The following IQCH variants were observed in gnomAD, a reference collection of about 807,000 sequenced individuals.
The protein encoded by IQCH is IQ domain-containing protein H.
Under a neutral mutation model 117.0 loss-of-function variants are expected in IQCH, and 98 were observed. That is an observed-to-expected ratio of 0.84 (90% CI 0.71 to 0.99). The LOEUF (loss-of-function observed/expected upper bound fraction) is 0.99, where lower values mean the gene tolerates loss of function less well. Among genes scored for constraint, IQCH ranks in the 50% least tolerant of loss-of-function variants. IQCH has a pLI of 0.00. For missense variants in IQCH, 1,102 were observed against 1,243.8 expected (o/e 0.89, Z 1.72); for synonymous variants, 412 against 448.2 (o/e 0.92, Z 1.02).
intron 6 of IQCH, among the ~76,000 whole-genome samples, chr15:67,347,863 CTA>C (rs1969475790): frequency 6.9e-6 from 1 of 145,134 alleles, no homozygotes; most frequent in African/African-American, 2.5e-5. Flanking sequence ...ATTTATATAT[CTA>C]TATATTTATA....
rs188781078 is a variant in IQCH, at chr15:67,456,860, C to T, written c.2506-8267C>T. 2.2e-4 allele frequency among the ~76,000 whole-genome samples: 33 copies of T among 152,166 alleles called. No individual in the cohort carries two copies. Among genetic ancestry groups the T allele is most frequent in the African/African-American group, 7.9e-4 (33 of 41,518 alleles). ...GCACAGATGGTTTGCAGCCTCTTAC[C>T]CCACCCACTCCAAACACCCCATAGA... On this transcript the variant is annotated intron_variant, in intron 16 of 20. Transcript: ENST00000335894. The surrounding 1 kb of genome is among the most constrained non-coding windows in gnomAD (Gnocchi z 5.1).
intron 4 of IQCH, among the ~76,000 whole-genome samples, chr15:67,318,564 A>G (rs1967960961): frequency 6.6e-6 from 1 of 152,210 alleles, no homozygotes; most frequent in Non-Finnish European, 1.5e-5. Context: ...AGTATTCATC[A>G]TCTTGAAGAA....
In IQCH at chr15:67,491,173, C is replaced by T. The variant is rs1212830456; in HGVS notation, c.2861+1109C>T. On this transcript the variant is annotated intron_variant, in intron 19 of 20. Coordinates refer to ENST00000335894, the MANE Select transcript of IQCH (RefSeq NM_001031715.3). The surrounding 1 kb of genome is among the most constrained non-coding windows in gnomAD (Gnocchi z 4.9). ...AATTCCTCTACGAAGCACTGATGTT[C>T]CTATGTGGCCTCAGTCCCTCCCTCC... 1.3e-5 allele frequency among the ~76,000 whole-genome samples: 2 copies of T among 152,076 alleles called. No individual in the cohort carries two copies. The highest frequency in any genetic ancestry group is 4.8e-5 in the African/African-American group (2 of 41,384).
intron 18 of IQCH, among the ~76,000 whole-genome samples, chr15:67,489,536 C>T (rs1315357797): frequency 3.9e-5 from 6 of 152,238 alleles, no homozygotes; most frequent in East Asian, 1.9e-4. Context: ...CTGCAACCTC[C>T]GCCTTCCGGG....
chr15:67,465,297 G>A lies in IQCH; in HGVS notation c.2676G>A (p.Pro892=), dbSNP rs747454760. ...KTKCMSALSM[P]MLATSRYAVM... ...AATGCATGAGTGCGCTGTCAATGCCGGTAAGCAAGAGGTGCTTCCTGAAGG... is the reference window on the plus strand; with the variant it reads ...AATGCATGAGTGCGCTGTCAATGCCAGTAAGCAAGAGGTGCTTCCTGAAGG... The change falls in exon 17 of 21, where the codon CCG becomes CCA. Residue 892 remains proline (P), a splice_region_variant and synonymous_variant. Transcript: ENST00000335894. This position sits in a 1 kb window ranked among gnomAD's most constrained non-coding sequence, Gnocchi z 5.9. 1.1e-5 allele frequency: 18 copies of A among 1,612,704 alleles called. No homozygotes were observed. The highest frequency in any genetic ancestry group is 5.0e-5 in the Admixed American group (3 of 59,970).
intron 16 of IQCH, among the ~76,000 whole-genome samples, chr15:67,421,847 C>A (rs911734318): frequency 8.5e-5 from 13 of 152,126 alleles, no homozygotes; most frequent in Non-Finnish European, 1.0e-4. Context: ...ACCTGTAATC[C>A]CAGCACTTTG....
At chr15:67,287,333 G>C (rs1966600283) in intron 4 of IQCH, among the ~76,000 whole-genome samples, 1 of 152,140 alleles carries the variant, frequency 6.6e-6, no homozygotes, top group Admixed American at 6.5e-5. Context: ...GGAATAGTTT[G>C]AGTAGGATTG....
At chr15:67,263,083 T>C (rs1248197880) in intron 2 of IQCH, 39 bp from the exon 3 acceptor site, 2 of 1,072,354 alleles carry the variant, frequency 1.9e-6, no homozygotes, top group Non-Finnish European at 2.9e-6. Context: ...GTATCTTAAG[T>C]CCACAATAAT....
intron 16 of IQCH, among the ~76,000 whole-genome samples, chr15:67,449,953 T>C (rs954354033): frequency 1.3e-4 from 20 of 152,164 alleles, no homozygotes; most frequent in African/African-American, 2.7e-4. Context: ...CCCTTGTAAG[T>C]TGGATTCCTA....
intron 16 of IQCH, among the ~76,000 whole-genome samples, chr15:67,435,128 T>A (rs1187078285): frequency 6.6e-6 from 1 of 151,982 alleles, no homozygotes; most frequent in Non-Finnish European, 1.5e-5. Flanking sequence ...GTGCTGGCAT[T>A]ACAGATGTGA....
At chr15:67,372,815 T>A (rs74992222) in intron 9 of IQCH, among the ~76,000 whole-genome samples, 153 bp downstream of exon 9, 1 of 152,168 alleles carries the variant, frequency 6.6e-6, no homozygotes, top group Non-Finnish European at 1.5e-5. Flanking sequence ...CAATGTATGA[T>A]GCACAAACCC....
At chr15:67,460,191 T>A (rs1009880518) in intron 16 of IQCH, among the ~76,000 whole-genome samples, 5 of 152,218 alleles carry the variant, frequency 3.3e-5, no homozygotes, top group Non-Finnish European at 5.9e-5. Context: ...TGTGCATTTG[T>A]ACCATTTCAA....
chr15:67,408,396 C>T lies in IQCH; in HGVS notation c.2097+8091C>T, dbSNP rs1405995488. The T allele has an allele frequency of 6.6e-6, 1 of 152,214 alleles. No homozygotes were observed. The highest frequency in any genetic ancestry group is 1.5e-5 in the Non-Finnish European group (1 of 68,058). The allele number at this position is 152,214 out of a possible 1,614,324, so 9.4% of individuals were successfully genotyped here. A position where few individuals can be genotyped will look rare whatever the true frequency, so the allele number is the denominator to read the frequency against. On this transcript the variant is annotated intron_variant, in intron 14 of 20. Transcript: ENST00000335894. This position sits in a 1 kb window ranked among gnomAD's most constrained non-coding sequence, Gnocchi z 4.2. ...TGCCCTTGAGAAAACTCAGACTTTC[C>T]TGTGACTGTGCCAGATCCAACAAAA...
At chr15:67,349,796 T>G (rs1215525658) in intron 6 of IQCH, among the ~76,000 whole-genome samples, 1 of 152,076 alleles carries the variant, frequency 6.6e-6, no homozygotes, top group Non-Finnish European at 1.5e-5. Flanking sequence ...GATATATGGA[T>G]AGTAAATAGA....
At position 67,395,285 on chromosome 15, in the gene IQCH, C is replaced by T. The variant is rs1971425134; in HGVS notation, c.1633-6C>T. 5 of 1,607,752 alleles carry T rather than the reference C, an allele frequency of 3.1e-6. No individual in the cohort carries two copies. The highest frequency in any genetic ancestry group is 4.3e-6 in the Non-Finnish European group (5 of 1,175,678). On this transcript the variant is annotated splice_region_variant and splice_polypyrimidine_tract_variant and intron_variant, in intron 12 of 20. Coordinates refer to ENST00000335894, the MANE Select transcript of IQCH (RefSeq NM_001031715.3). This position sits in a 1 kb window ranked among gnomAD's most constrained non-coding sequence, Gnocchi z 4.0. ...TTTTAACAAGAATAATATGATCTTC[C>T]CCCAGAAGCATCATATGTGCCTGGC...
chr15:67,368,124 C>T (rs1451522912), intron 8 of IQCH, among the ~76,000 whole-genome samples: 2 of 151,944 alleles, frequency 1.3e-5, no homozygotes, highest in Non-Finnish European at 2.9e-5. Flanking sequence ...AGTAACTTGC[C>T]CAAGAGTATG....
rs1183331203 is a variant in IQCH at position 67,417,802 on chromosome 15, T to A, written c.2218+751T>A. On this transcript the variant is annotated intron_variant, in intron 15 of 20. Coordinates refer to ENST00000335894, the MANE Select transcript of IQCH (RefSeq NM_001031715.3). This position sits in a 1 kb window ranked among gnomAD's most constrained non-coding sequence, Gnocchi z 4.3. The stretch of plus-strand genomic sequence containing the variant: ...TACAGTGCAAGACATCTTACATGCT[T>A]ACCCACATGCACAAGAAGAAAGGGT... Among the ~76,000 whole-genome samples, 1 of 152,114 alleles carries A rather than the reference T, an allele frequency of 6.6e-6. No individual in the cohort carries two copies. The highest frequency in any genetic ancestry group is 2.4e-5 in the African/African-American group (1 of 41,400).
intron 16 of IQCH, among the ~76,000 whole-genome samples, chr15:67,451,923 A>T (rs1280574253): frequency 1.3e-5 from 2 of 152,176 alleles, no homozygotes; most frequent in African/African-American, 4.8e-5. Context: ...TTGGGTGCAT[A>T]TATATTTAGG....
chr15:67,260,352 C>T (rs1965406337), intron 1 of IQCH, among the ~76,000 whole-genome samples: 1 of 152,132 alleles, frequency 6.6e-6, no homozygotes, highest in South Asian at 2.1e-4. Flanking sequence ...AAGGAAAATA[C>T]AAATTGAAGG....
Sources: gnomAD v4.1 joint callset for allele counts (sites outside exome capture counted in the v4.1 genomes callset) on GRCh38, gnomAD v4.1.1 for gene constraint, Gnocchi (gnomAD v3.1) non-coding constraint, MANE v1.5 for transcripts, NCBI Gene and HGNC (gene_info 2026-07-23, HGNC 2026-07-21) for gene names.